MARCHF3: variants seen among roughly 807,000 people sequenced by gnomAD.
MARCHF3 encodes the protein membrane associated ring-CH-type finger 3.
A neutral mutation model predicts 24.2 loss-of-function variants in MARCHF3; 13 were observed. The observed-to-expected ratio is 0.54, with a 90% confidence interval of 0.35 to 0.85. The LOEUF (loss-of-function observed/expected upper bound fraction) is 0.85. Among genes scored for constraint, MARCHF3 ranks in the 40% least tolerant of loss-of-function variants. The pLI, the probability that MARCHF3 is intolerant of heterozygous loss-of-function variation, is 0.01. For missense variants in MARCHF3, 276 were observed against 325.0 expected (o/e 0.85, Z 1.16); for synonymous variants, 144 against 137.3 (o/e 1.05, Z -0.34).
At chr5:126,894,770 A>T (rs958559214) in intron 3 of MARCHF3, among the ~76,000 whole-genome samples, 5 of 151,942 alleles carry the variant, frequency 3.3e-5, no homozygotes, top group Non-Finnish European at 7.3e-5. Flanking sequence ...TGTGTGGTGA[A>T]TCTGACAATT....
intron 1 of MARCHF3, among the ~76,000 whole-genome samples, chr5:127,029,580 C>T (rs985066858): frequency 5.9e-5 from 9 of 152,158 alleles, no homozygotes; most frequent in Non-Finnish European, 2.9e-5. Context: ...GCTGTCAATT[C>T]CTGACTCAAC....
chr5:126,871,712 CTT>C (rs368757054), intron 4 of MARCHF3, among the ~76,000 whole-genome samples: 12,352 of 142,888 alleles, frequency 0.086, 1,077 homozygotes, highest in African/African-American at 0.23. Flanking sequence ...GCCTCTCTCT[CTT>C]TTTTTTTTTT....
chr5:126,979,550 T>C (rs992690603), intron 1 of MARCHF3, among the ~76,000 whole-genome samples: 1 of 152,214 alleles, frequency 6.6e-6, no homozygotes, highest in African/African-American at 2.4e-5. Context: ...GGTATCAGCA[T>C]GGGGGCAGGG....
chr5:126,947,149 T>G (rs540369168), intron 1 of MARCHF3, among the ~76,000 whole-genome samples: 15 of 152,268 alleles, frequency 9.9e-5, no homozygotes, highest in Non-Finnish European at 1.5e-4. Flanking sequence ...CCATGTTGAT[T>G]TAGTTTCCTA....
intron 1 of MARCHF3, among the ~76,000 whole-genome samples, chr5:126,955,969 G>A (rs1750423449): frequency 6.6e-6 from 1 of 152,054 alleles, no homozygotes; most frequent in Non-Finnish European, 1.5e-5. Context: ...TTATCCATTT[G>A]TATGGGATGA....
intron 1 of MARCHF3, among the ~76,000 whole-genome samples, chr5:126,974,402 C>T (rs996443837): frequency 3.3e-5 from 5 of 152,200 alleles, no homozygotes; most frequent in African/African-American, 1.2e-4. Flanking sequence ...GTGTGTCCTA[C>T]TTCTGAATTC....
intron 1 of MARCHF3, among the ~76,000 whole-genome samples, chr5:126,935,783 G>A (rs1479923769): frequency 6.6e-6 from 1 of 151,396 alleles, no homozygotes; most frequent in Non-Finnish European, 1.5e-5. Context: ...GCTAATTTTT[G>A]TATTCTTAGT....
intron 1 of MARCHF3, among the ~76,000 whole-genome samples, chr5:126,922,271 C>A (rs779289994): frequency 9.2e-5 from 14 of 152,196 alleles, no homozygotes; most frequent in Non-Finnish European, 1.6e-4. Context: ...GCTTTCTACT[C>A]ACCAAGGTAA....
At chr5:127,008,352 T>C (rs1752372815) in intron 1 of MARCHF3, among the ~76,000 whole-genome samples, 1 of 152,178 alleles carries the variant, frequency 6.6e-6, no homozygotes, top group South Asian at 2.1e-4. Flanking sequence ...AGAGAAACCC[T>C]CCAACCAAAA....
chr5:126,946,407 A>T (rs1273791038), intron 1 of MARCHF3: 7 of 150,550 alleles, frequency 4.6e-5, no homozygotes, highest in African/African-American at 7.3e-5. Context: ...GAATTAAATT[A>T]AAAAAAAATG....
chr5:126,916,617 G>A (rs1284531419), intron 2 of MARCHF3, among the ~76,000 whole-genome samples: 4 of 151,640 alleles, frequency 2.6e-5, no homozygotes, highest in Non-Finnish European at 5.9e-5. Flanking sequence ...CACTGAGCCT[G>A]TAAAACTCTG....
At chr5:126,896,074 A>T (rs1198568377) in intron 3 of MARCHF3, among the ~76,000 whole-genome samples, 3 of 152,152 alleles carry the variant, frequency 2.0e-5, no homozygotes, top group African/African-American at 7.2e-5. Context: ...CCGATTTTCC[A>T]GGTGCCGTCC....
At position 126,944,310 on chromosome 5, in the gene MARCHF3, G is replaced by C. The variant is rs557911865; in HGVS notation, c.-56-26083C>G. ...AATCTCTGCATGTGTCTCAATGCTGGCTTTCATCTGGGCACGGTGGCTCAC... is the reference window on the plus strand; with the variant it reads ...AATCTCTGCATGTGTCTCAATGCTGCCTTTCATCTGGGCACGGTGGCTCAC... On this transcript the variant is annotated intron_variant, in intron 1 of 4. Coordinates refer to ENST00000308660, the MANE Select transcript of MARCHF3 (RefSeq NM_178450.5). Among the ~76,000 whole-genome samples the C allele has an allele frequency of 2.6e-5, 4 of 152,198 alleles. No homozygotes were observed. The East Asian group carries it at 5.8e-4, about 22-fold the overall frequency.
chr5:126,945,749 A>G (rs951500611), intron 1 of MARCHF3, among the ~76,000 whole-genome samples: 1 of 152,232 alleles, frequency 6.6e-6, no homozygotes, highest in Non-Finnish European at 1.5e-5. Flanking sequence ...TGGCTCTTTC[A>G]GCTGGGTGAC....
intron 3 of MARCHF3, among the ~76,000 whole-genome samples, chr5:126,886,614 A>G (rs1300138698): frequency 1.3e-5 from 2 of 152,216 alleles, no homozygotes; most frequent in Admixed American, 6.5e-5. Flanking sequence ...AGTTCAAAAC[A>G]TCAGGCTTGA....
rs191656108 is a variant in MARCHF3 at position 126,970,256 on chromosome 5, T to C, written c.-56-52029A>G. 4.5e-3 allele frequency among the ~76,000 whole-genome samples: 679 copies of C among 152,120 alleles called. 2 individuals are homozygous for C. The highest frequency in any genetic ancestry group is 7.4e-3 in the Non-Finnish European group (503 of 67,980). Reference sequence around the variant, plus strand: ...GCACATGCCACCACACCTGGCTAACTTTTGTATTTTTAGTAGAGACAGAGT... The same window carrying C: ...GCACATGCCACCACACCTGGCTAACCTTTGTATTTTTAGTAGAGACAGAGT... On this transcript the variant is annotated intron_variant, in intron 1 of 4. Coordinates refer to ENST00000308660, the MANE Select transcript of MARCHF3 (RefSeq NM_178450.5).
chr5:126,925,939 G>C (rs1381396112), intron 1 of MARCHF3, among the ~76,000 whole-genome samples: 3 of 152,198 alleles, frequency 2.0e-5, no homozygotes. Flanking sequence ...TGCTGGTCAG[G>C]ATGTCTGATA....
intron 3 of MARCHF3, among the ~76,000 whole-genome samples, chr5:126,909,236 G>C (rs549789639): frequency 6.9e-4 from 105 of 152,322 alleles, no homozygotes; most frequent in African/African-American, 2.3e-3. Context: ...TGTCAGACAG[G>C]GACATTTAAG....
chr5:126,895,764 T>G (rs1404631164), intron 3 of MARCHF3, among the ~76,000 whole-genome samples: 1 of 151,790 alleles, frequency 6.6e-6, no homozygotes, highest in Non-Finnish European at 1.5e-5. Flanking sequence ...GCTGTCTTTT[T>G]GTTTGTCTGT....
Sources: allele counts gnomAD v4.1 joint callset (sites outside exome capture counted in the v4.1 genomes callset), GRCh38; gene constraint gnomAD v4.1.1; transcripts MANE v1.5; gene names NCBI Gene and HGNC (gene_info 2026-07-23, HGNC 2026-07-21).